MEOX2: variants seen among roughly 807,000 people sequenced by gnomAD.
The protein encoded by MEOX2 is mesenchyme homeobox 2.
In MEOX2, 11 loss-of-function variants were observed where a neutral mutation model predicts 27.0. That is an observed-to-expected ratio of 0.41 (90% CI 0.26 to 0.68). MEOX2 has a LOEUF of 0.68. Among genes scored for constraint, MEOX2 ranks in the 30% least tolerant of loss-of-function variants. The pLI is 0.33. For synonymous variants in MEOX2, 189 were observed against 155.4 expected, an observed-to-expected ratio of 1.22 and a Z score of -1.61; for missense variants, 436 against 385.4, an observed-to-expected ratio of 1.13 and a Z score of -1.10.
chr7:15,620,798 G>T (rs1781210629), intron 2 of MEOX2, among the ~76,000 whole-genome samples: 1 of 152,188 alleles, frequency 6.6e-6, no homozygotes. Flanking sequence ...TATCTTGGCA[G>T]AAGTATCATT....
rs766320553 is a variant in MEOX2 at position 15,612,544 on chromosome 7, G to A, written c.758C>T (p.Ala253Val). 37 of 1,614,096 alleles carry A rather than the reference G, an allele frequency of 2.3e-5. No individual in the cohort carries two copies. The highest frequency in any genetic ancestry group is 3.3e-4 in the Middle Eastern group (2 of 6,060). Residue 253 changes from alanine to valine, a missense_variant, in exon 3 of 3, where the codon GCG becomes GTG. Ala to Val is a moderately conservative substitution (Grantham distance 64). Coordinates refer to ENST00000262041, the MANE Select transcript of MEOX2 (RefSeq NM_005924.5). Reference sequence around the variant, plus strand: ...ATTCACCAGTTCCTTTTCCCGAGCCGCAGCTCCTTGCTGTCCACCCTTTAC... The same window carrying A: ...ATTCACCAGTTCCTTTTCCCGAGCCACAGCTCCTTGCTGTCCACCCTTTAC... Reference protein sequence around the residue: ...KRVKGGQQGAAAREKELVNVK... With the variant: ...KRVKGGQQGAVAREKELVNVK...
chr7:15,635,298 C>A (rs1423641074), intron 1 of MEOX2, among the ~76,000 whole-genome samples: 1 of 151,994 alleles, frequency 6.6e-6, no homozygotes, highest in Non-Finnish European at 1.5e-5. Flanking sequence ...CCTTTACCTA[C>A]TGCATGGCCT....
chr7:15,667,867 C>G (rs1180789354), intron 1 of MEOX2: 20 of 152,196 alleles, frequency 1.3e-4, no homozygotes, highest in Admixed American at 1.3e-3. Flanking sequence ...AGCTCAGCTA[C>G]TTAATGAGGA....
chr7:15,650,593 T>G (rs1443487107), intron 1 of MEOX2, among the ~76,000 whole-genome samples: 1 of 152,070 alleles, frequency 6.6e-6, no homozygotes, highest in Non-Finnish European at 1.5e-5. Flanking sequence ...GCTTCCTATG[T>G]GCCAGTAACT....
intron 1 of MEOX2, among the ~76,000 whole-genome samples, chr7:15,650,468 A>T (rs1317382279): frequency 6.6e-6 from 1 of 151,994 alleles, no homozygotes; most frequent in East Asian, 1.9e-4. Context: ...TCCTTTGAAA[A>T]TTGTTTCTAT....
chr7:15,658,730 G>A (rs1357196704), intron 1 of MEOX2, among the ~76,000 whole-genome samples: 2 of 152,158 alleles, frequency 1.3e-5, no homozygotes, highest in Non-Finnish European at 2.9e-5. Flanking sequence ...AAAGATGCAA[G>A]AGAAATGGTC....
At chr7:15,659,430 G>C (rs774425701) in intron 1 of MEOX2, among the ~76,000 whole-genome samples, 5 of 152,078 alleles carry the variant, frequency 3.3e-5, no homozygotes, top group African/African-American at 4.8e-5. Context: ...ATGTGTCAAA[G>C]TATCTGTAAT....
At chr7:15,655,090 A>T (rs140284256) in intron 1 of MEOX2, among the ~76,000 whole-genome samples, 1 of 151,524 alleles carries the variant, frequency 6.6e-6, no homozygotes, top group Non-Finnish European at 1.5e-5. Context: ...AATTTTTTTC[A>T]TATTGGGTGA....
At chr7:15,626,707 A>G (rs1781313927) in intron 2 of MEOX2, 39 bp downstream of exon 2, 1 of 1,484,258 alleles carries the variant, frequency 6.7e-7, no homozygotes, top group Non-Finnish European at 9.3e-7. Flanking sequence ...GACCCAGGGC[A>G]ATTAAAAAAG....
At chr7:15,666,169 T>C (rs1166870726) in intron 1 of MEOX2, among the ~76,000 whole-genome samples, 1 of 152,162 alleles carries the variant, frequency 6.6e-6, no homozygotes, top group East Asian at 1.9e-4. Flanking sequence ...TGTTTCATAA[T>C]TGTCATCTAA....
chr7:15,633,482 G>A (rs1043481637), intron 1 of MEOX2, among the ~76,000 whole-genome samples: 3 of 151,860 alleles, frequency 2.0e-5, no homozygotes, highest in African/African-American at 7.3e-5. Context: ...CCCTCTTATG[G>A]CATCAGATAA....
intron 1 of MEOX2, among the ~76,000 whole-genome samples, chr7:15,667,016 G>A (rs966775146): frequency 1.3e-4 from 20 of 149,752 alleles, no homozygotes; most frequent in African/African-American, 4.4e-4. Context: ...ATAAGGCTGG[G>A]TGCAGTGGCT....
intron 2 of MEOX2, among the ~76,000 whole-genome samples, chr7:15,619,538 G>C (rs1360639833): frequency 6.6e-6 from 1 of 151,916 alleles, no homozygotes; most frequent in East Asian, 1.9e-4. Context: ...GCAAGAATCA[G>C]AGGAGCAAAT....
At chr7:15,617,970 G>A (rs564279899) in intron 2 of MEOX2, among the ~76,000 whole-genome samples, 17 of 152,120 alleles carry the variant, frequency 1.1e-4, no homozygotes, top group African/African-American at 4.1e-4. Flanking sequence ...ACCCTTTCTT[G>A]GGGCAACAGA....
chr7:15,655,018 AT>A (rs975695928), intron 1 of MEOX2, among the ~76,000 whole-genome samples: 9 of 151,266 alleles, frequency 5.9e-5, no homozygotes, highest in South Asian at 4.1e-4. Context: ...GCCTGTATAT[AT>A]TTTTTTTGAC....
chr7:15,651,793 C>T (rs73679855), intron 1 of MEOX2, among the ~76,000 whole-genome samples: 3,113 of 152,040 alleles, frequency 0.02, 111 homozygotes, highest in African/African-American at 0.07. Context: ...ATATGAACAA[C>T]ATTTAATGGC....
rs145506452 is a variant in MEOX2, at chr7:15,686,370, G to T, written c.33C>A (p.Ser11Arg). Residue 11 changes from serine to arginine, a missense_variant, in exon 1 of 3, where the codon AGC becomes AGA. By Grantham distance (110) the Ser-to-Arg change is moderately radical. Coordinates refer to ENST00000262041, the MANE Select transcript of MEOX2 (RefSeq NM_005924.5). MEHPLFGCLRSPHATAQGLHP... is the reference protein window; with the variant it reads MEHPLFGCLRRPHATAQGLHP... ...GCAAGCCTTGCGCCGTGGCGTGAGG[G>T]CTGCGCAGGCAGCCAAAGAGCGGGT... 6.3e-7 allele frequency: 1 copy of T among 1,586,064 alleles called. No homozygotes were observed.
intron 1 of MEOX2, among the ~76,000 whole-genome samples, chr7:15,630,969 A>G (rs1781391384): frequency 6.6e-6 from 1 of 151,910 alleles, no homozygotes; most frequent in Non-Finnish European, 1.5e-5. Flanking sequence ...CACTTTCCAG[A>G]TTTGAGAACC....
At chr7:15,626,503 T>C (rs1314018859) in intron 2 of MEOX2, among the ~76,000 whole-genome samples, 1 of 151,942 alleles carries the variant, frequency 6.6e-6, no homozygotes, top group African/African-American at 2.4e-5. Flanking sequence ...AACCCAAAAA[T>C]ACAGAAGGAT....
Sources: gnomAD v4.1 joint callset for allele counts (sites outside exome capture counted in the v4.1 genomes callset) on GRCh38, gnomAD v4.1.1 for gene constraint, MANE v1.5 for transcripts, NCBI Gene and HGNC (gene_info 2026-07-23, HGNC 2026-07-21) for gene names.